The following LOXHD1 variants were observed in gnomAD, a reference collection of about 807,000 sequenced individuals.
The protein encoded by LOXHD1 is lipoxygenase homology domain-containing protein 1.
Under a neutral mutation model 248.2 loss-of-function variants are expected in LOXHD1, and 205 were observed. The observed-to-expected ratio is 0.83, with a 90% CI of 0.74 to 0.93. The LOEUF (loss-of-function observed/expected upper bound fraction) is 0.93, where lower values mean the gene tolerates loss of function less well. LOXHD1 is among the 40% of genes least tolerant of loss of function. The pLI, the probability that LOXHD1 is intolerant of heterozygous loss-of-function variation, is 0.00. For missense variants in LOXHD1, 2,930 were observed against 2,971.6 expected (o/e 0.99, Z 0.33); for synonymous variants, 1,113 against 1,162.8 (o/e 0.96, Z 0.87).
intron 16 of LOXHD1, 67 bp downstream of exon 16, chr18:46,569,375 G>C: frequency 7.7e-7 from 1 of 1,293,544 alleles, no homozygotes; most frequent in Non-Finnish European, 1.1e-6. Flanking sequence ...TGTGTGTGTG[G>C]ACACGTGTGA....
chr18:46,637,601 CTT>C (rs147592158), intron 4 of LOXHD1, among the ~76,000 whole-genome samples: 16,688 of 151,984 alleles, frequency 0.11, 977 homozygotes, highest in Middle Eastern at 0.18. Flanking sequence ...GCAAAAAATT[CTT>C]TCTCTCTCTC....
rs1319555177 is a variant in LOXHD1, at chr18:46,656,934, C to G, written c.100G>C (p.Glu34Gln). Residue 34 changes from glutamate to glutamine, a missense_variant, in exon 1 of 41, where the codon GAG becomes CAG. Transcript: ENST00000642948. ...LNYASEDDEG[E>Q]LEHEYYKARV... The stretch of plus-strand genomic sequence containing the variant: ...GCCTTGTAGTACTCGTGTTCCAGCT[C>G]CCCCTCGTCGTCCTCCGAGGCGTAG... 10 of 1,551,582 alleles carry G rather than the reference C, an allele frequency of 6.4e-6. No individual in the cohort carries two copies. Among genetic ancestry groups the G allele is most frequent in the Non-Finnish European group, 8.7e-6 (10 of 1,146,916 alleles).
chr18:46,566,533 C>G lies in LOXHD1; in HGVS notation c.2245-84G>C, dbSNP rs938946089. 2.5e-6 allele frequency: 3 copies of G among 1,205,942 alleles called. No homozygotes were observed. The African/African-American group carries it at 4.5e-5, about 18-fold the overall frequency. 74.7% of individuals were successfully genotyped at this position (1,205,942 alleles called of 1,614,324 possible). ...CCATCCCTACCTCCCCAAACACCAG[C>G]ACAAAACACAACCCAGGTCTCCAGT... On this transcript the variant is annotated intron_variant, in intron 16 of 40. Transcript: ENST00000642948.
At chr18:46,634,849 G>A (rs565297890) in intron 4 of LOXHD1, among the ~76,000 whole-genome samples, 1 of 152,284 alleles carries the variant, frequency 6.6e-6, no homozygotes, top group South Asian at 2.1e-4. Flanking sequence ...AGATGAGAAA[G>A]TTTTAGAGAT....
At position 46,490,983 on chromosome 18, in the gene LOXHD1, G is replaced by A. The variant is rs568994744; in HGVS notation, c.5879-1841C>T. On this transcript the variant is annotated intron_variant, in intron 37 of 40. Transcript: ENST00000642948. ...TAGCAGCCTCAATGCATTCAGTCTG[G>A]AAATGAGGCAGAGGAGACCTGCTGA... 9.8e-5 allele frequency among the ~76,000 whole-genome samples: 15 copies of A among 152,326 alleles called. No individual in the cohort carries two copies. The South Asian group carries it at 3.1e-3, about 32-fold the overall frequency.
Position 46,656,829 on chromosome 18 carries a change from C to A in LOXHD1, c.130+75G>T, listed in dbSNP as rs57915611. The A allele has an allele frequency of 2.7e-6, 4 of 1,481,982 alleles. No individual in the cohort carries two copies. The East Asian group carries it at 9.9e-5, about 37-fold the overall frequency. 91.8% of individuals were successfully genotyped at this position (1,481,982 alleles called of 1,614,324 possible). A position where few individuals can be genotyped will look rare whatever the true frequency, so the allele number is the denominator to read the frequency against. On this transcript the variant is annotated intron_variant, in intron 1 of 40. Transcript: ENST00000642948. Reference sequence around the variant, plus strand: ...TTGCTCCGAAATCTTAGAATGACTCCCCATAGACAGGAACAGACCCCTGCC... The same window carrying A: ...TTGCTCCGAAATCTTAGAATGACTCACCATAGACAGGAACAGACCCCTGCC...
rs761425050 is a variant in LOXHD1, at chr18:46,593,412, T to C, written c.1431+188A>G. On this transcript the variant is annotated intron_variant, in intron 10 of 40. Coordinates refer to ENST00000642948, the MANE Select transcript of LOXHD1 (RefSeq NM_001384474.1). ...AGATGAATGGGCCAGATAGAAATTG[T>C]ACCCCATTCAATACATTGCTTACAA... Among the ~76,000 whole-genome samples the C allele has an allele frequency of 2.6e-5, 4 of 152,228 alleles. 1 individual carries two copies. Among genetic ancestry groups the C allele is most frequent in the Non-Finnish European group, 5.9e-5 (4 of 68,028 alleles).
At chr18:46,557,807 GT>G in intron 20 of LOXHD1, 1 of 1,260,096 alleles carries the variant, frequency 7.9e-7, no homozygotes, top group Non-Finnish European at 1.0e-6. Context: ...TGTGGTGGGT[GT>G]TTTGTGTGCA....
chr18:46,479,095 T>C (rs557728069), intron 40 of LOXHD1, among the ~76,000 whole-genome samples: 77 of 152,220 alleles, frequency 5.1e-4, no homozygotes, highest in African/African-American at 1.8e-3. Flanking sequence ...TTTTTGTACC[T>C]GGTGTTGTCA....
chr18:46,527,871 G>A lies in LOXHD1; in HGVS notation c.4530+1306C>T, dbSNP rs919079581. ...CAATCATATTACTATTCCTGCTTCA[G>A]ATGCAGTAAACTGAAGTTAGAGGTA... On this transcript the variant is annotated intron_variant, in intron 29 of 40. Transcript: ENST00000642948. 1.5e-4 allele frequency among the ~76,000 whole-genome samples: 23 copies of A among 152,326 alleles called. 1 individual carries two copies. The East Asian group carries it at 4.2e-3, about 28-fold the overall frequency.
chr18:46,609,068 T>A (rs1240004267), intron 6 of LOXHD1, among the ~76,000 whole-genome samples: 5 of 152,232 alleles, frequency 3.3e-5, no homozygotes, highest in Admixed American at 3.3e-4. Flanking sequence ...AAATAAGGCA[T>A]CATTTGCCAG....
intron 24 of LOXHD1, 59 bp downstream of exon 24, chr18:46,542,668 A>C: frequency 6.5e-7 from 1 of 1,541,190 alleles, no homozygotes; most frequent in South Asian, 1.2e-5. Context: ...AGATGCCCAC[A>C]AGGACCTGTC....
chr18:46,561,965 A>G (rs973374991), intron 18 of LOXHD1, among the ~76,000 whole-genome samples: 1 of 152,176 alleles, frequency 6.6e-6, no homozygotes, highest in African/African-American at 2.4e-5. Context: ...CACCACATCC[A>G]GTAAATTGGC....
chr18:46,595,352 C>G (rs187529164), intron 8 of LOXHD1, among the ~76,000 whole-genome samples: 78 of 152,292 alleles, frequency 5.1e-4, no homozygotes, highest in Admixed American at 7.2e-4. Flanking sequence ...CTTCAAACTT[C>G]CAGAGAAATG....
At chr18:46,644,664 G>C (rs1172159000) in intron 2 of LOXHD1, among the ~76,000 whole-genome samples, 1 of 152,118 alleles carries the variant, frequency 6.6e-6, no homozygotes, top group Non-Finnish European at 1.5e-5. Flanking sequence ...GTTGCAGTGA[G>C]TGAGCCTTGA....
intron 5 of LOXHD1, among the ~76,000 whole-genome samples, chr18:46,612,783 A>C (rs1326787538): frequency 6.6e-6 from 1 of 152,078 alleles, no homozygotes; most frequent in Non-Finnish European, 1.5e-5. Context: ...TTATTTTGTG[A>C]GTGGTAAAAG....
At chr18:46,593,130 C>T (rs1011372891) in intron 10 of LOXHD1, among the ~76,000 whole-genome samples, 1 of 151,614 alleles carries the variant, frequency 6.6e-6, no homozygotes, top group African/African-American at 2.4e-5. Context: ...GTTGAAATAG[C>T]ACTTCCATTG....
intron 1 of LOXHD1, among the ~76,000 whole-genome samples, chr18:46,656,571 C>T (rs2039184476): frequency 6.6e-6 from 1 of 152,204 alleles, no homozygotes; most frequent in South Asian, 2.1e-4. Context: ...ATGCAGACCA[C>T]CTACTCGGGG....
intron 21 of LOXHD1, among the ~76,000 whole-genome samples, chr18:46,549,547 T>A (rs576939017): frequency 7.9e-5 from 12 of 152,254 alleles, no homozygotes; most frequent in African/African-American, 2.9e-4. Flanking sequence ...AGCTGTGAGA[T>A]CCTAGGGATT....
Sources: gnomAD v4.1 joint callset for allele counts (sites outside exome capture counted in the v4.1 genomes callset) on GRCh38, gnomAD v4.1.1 for gene constraint, MANE v1.5 for transcripts, NCBI Gene and HGNC (gene_info 2026-07-23, HGNC 2026-07-21) for gene names.